The following ZBED4 variants were observed in gnomAD, a reference collection of about 807,000 sequenced individuals.
ZBED4 encodes the protein zinc finger BED-type containing 4.
Under a neutral mutation model 15.5 loss-of-function variants are expected in ZBED4, and 4 were observed. The observed-to-expected ratio is 0.26, with a 90% CI of 0.13 to 0.59. ZBED4 has a LOEUF of 0.59. ZBED4 is among the 20% of genes least tolerant of loss of function. ZBED4 has a pLI of 0.90. For synonymous variants in ZBED4, 692 were observed against 608.5 expected, an observed-to-expected ratio of 1.14 and a Z score of -2.02; for missense variants, 1,323 against 1,461.8, an observed-to-expected ratio of 0.91 and a Z score of 1.55.
At chr22:49,878,384 G>A (rs1284220840) in intron 1 of ZBED4, among the ~76,000 whole-genome samples, 2 of 151,924 alleles carry the variant, frequency 1.3e-5, no homozygotes, top group Non-Finnish European at 2.9e-5. Context: ...GAACAGCTGG[G>A]TTACGTGGTC....
chr22:49,872,632 C>T (rs370077119), intron 1 of ZBED4, among the ~76,000 whole-genome samples: 7 of 152,226 alleles, frequency 4.6e-5, no homozygotes, highest in East Asian at 1.9e-4. Context: ...TGGTCTCAAG[C>T]GAACCTCCCG....
intron 1 of ZBED4, among the ~76,000 whole-genome samples, chr22:49,872,630 A>G (rs1244403392): frequency 1.3e-5 from 2 of 152,246 alleles, no homozygotes; most frequent in African/African-American, 4.8e-5. Flanking sequence ...CTTGGTCTCA[A>G]GCGAACCTCC....
Position 49,870,753 on chromosome 22 carries a change from T to C in ZBED4, c.-329-12581T>C, listed in dbSNP as rs76550843. 4.9e-3 allele frequency among the ~76,000 whole-genome samples: 753 copies of C among 152,264 alleles called. 1 individual carries two copies. The highest frequency in any genetic ancestry group is 0.017 in the African/African-American group (725 of 41,558). On this transcript the variant is annotated intron_variant, in intron 1 of 1. Coordinates refer to ENST00000216268, the MANE Select transcript of ZBED4 (RefSeq NM_014838.3). Reference sequence around the variant, plus strand: ...CATAGTTTGCAGATATTTTCTCTTATTCAGTGGGTTTTCTGTTTATTCTGT... The same window carrying C: ...CATAGTTTGCAGATATTTTCTCTTACTCAGTGGGTTTTCTGTTTATTCTGT...
chr22:49,883,914 C>T lies in ZBED4; in HGVS notation c.252C>T (p.Gly84=), dbSNP rs771911643. The T allele has an allele frequency of 1.1e-5, 17 of 1,608,860 alleles. No homozygotes were observed. The highest frequency in any genetic ancestry group is 2.2e-5 in the East Asian group (1 of 44,776). Residue 84 remains glycine, a synonymous_variant, in exon 2 of 2, where the codon GGC becomes GGT. Coordinates refer to ENST00000216268, the MANE Select transcript of ZBED4 (RefSeq NM_014838.3). ...CTGCAGAGAGTGAGGATGACTATGG[C>T]GCGCTGTTCTCCCAGTACAGCAGCA... The part of the protein sequence containing the change: ...YLSAESEDDY[G]ALFSQYSSTL...
At chr22:49,865,411 G>A (rs1272688895) in intron 1 of ZBED4, among the ~76,000 whole-genome samples, 1 of 152,072 alleles carries the variant, frequency 6.6e-6, no homozygotes, top group Non-Finnish European at 1.5e-5. Flanking sequence ...GCACTTCGGG[G>A]GCTAAGGCGG....
Position 49,887,477 on chromosome 22 carries a change from T to G in ZBED4, c.*299T>G, listed in dbSNP as rs987555830. ...TTTTTAAAGTTTTGGGTTAGTAATT[T>G]GTTTTACTAGAATGACAAAGAAGAT... On this transcript the variant is annotated 3_prime_UTR_variant, in exon 2 of 2. Coordinates refer to ENST00000216268, the MANE Select transcript of ZBED4 (RefSeq NM_014838.3). The G allele has an allele frequency of 7.2e-6, 2 of 278,664 alleles. No individual in the cohort carries two copies. The highest frequency in any genetic ancestry group is 9.5e-5 in the Admixed American group (2 of 21,136). The allele number at this position is 278,664 out of a possible 1,614,324, so 17.3% of individuals were successfully genotyped here.
intron 1 of ZBED4, among the ~76,000 whole-genome samples, chr22:49,869,977 C>G (rs780552719): frequency 5.3e-5 from 8 of 152,122 alleles, no homozygotes; most frequent in Non-Finnish European, 8.8e-5. Flanking sequence ...TCCTCCCTCC[C>G]TCACTCCTCA....
chr22:49,863,019 C>T (rs2060304537), intron 1 of ZBED4, among the ~76,000 whole-genome samples: 1 of 151,986 alleles, frequency 6.6e-6, no homozygotes, highest in Non-Finnish European at 1.5e-5. Flanking sequence ...CAGTCTGAAT[C>T]TACAGGTTAC....
intron 1 of ZBED4, among the ~76,000 whole-genome samples, chr22:49,875,361 G>C (rs1601794808): frequency 1.3e-5 from 2 of 150,654 alleles, no homozygotes; most frequent in East Asian, 3.9e-4. Flanking sequence ...TTGAGTTTTT[G>C]TAGTTTCTGT....
intron 1 of ZBED4, among the ~76,000 whole-genome samples, chr22:49,856,582 G>T (rs913606677): frequency 6.6e-6 from 1 of 152,220 alleles, no homozygotes; most frequent in African/African-American, 2.4e-5. Flanking sequence ...AGCTCCCCCG[G>T]GTTGTTTCGG....
rs760544641 is a variant in ZBED4, at chr22:49,885,367, A to G, written c.1705A>G (p.Ile569Val). 25 of 1,586,894 alleles carry G rather than the reference A, an allele frequency of 1.6e-5. No individual in the cohort carries two copies. Among genetic ancestry groups the G allele is most frequent in the Admixed American group, 9.0e-5 (5 of 55,668 alleles). Residue 569 changes from isoleucine to valine, a missense_variant, in exon 2 of 2, where the codon ATT becomes GTT. Coordinates refer to ENST00000216268, the MANE Select transcript of ZBED4 (RefSeq NM_014838.3). ...CTCGAAGCTGTGGAATCATTTTTCTATTTGCTCCGCAGACTCCACAAAAGT... is the reference window on the plus strand; with the variant it reads ...CTCGAAGCTGTGGAATCATTTTTCTGTTTGCTCCGCAGACTCCACAAAAGT... ...KTSKLWNHFS[I>V]CSADSTKVVC...
intron 1 of ZBED4, among the ~76,000 whole-genome samples, chr22:49,880,154 G>A (rs2060401163): frequency 6.6e-6 from 1 of 152,052 alleles, no homozygotes; most frequent in South Asian, 2.1e-4. Flanking sequence ...TGTTCGGGTG[G>A]CTCCTAACAC....
chr22:49,887,325 C>T lies in ZBED4; in HGVS notation c.*147C>T. ...GCTCTCCAGCTCACCACAGTGTCTC[C>T]ACGTGCCTTACCCCTTCTCCTTCAG... On this transcript the variant is annotated 3_prime_UTR_variant, in exon 2 of 2. Transcript: ENST00000216268. 3 of 820,928 alleles carry T rather than the reference C, an allele frequency of 3.7e-6. No individual in the cohort carries two copies. Among genetic ancestry groups the T allele is most frequent in the Non-Finnish European group, 5.6e-6 (3 of 533,866 alleles). 50.9% of individuals were successfully genotyped at this position (820,928 alleles called of 1,614,324 possible).
intron 1 of ZBED4, among the ~76,000 whole-genome samples, chr22:49,877,627 C>A (rs1449769718): frequency 1.3e-5 from 2 of 152,064 alleles, no homozygotes; most frequent in African/African-American, 4.8e-5. Flanking sequence ...AATTGATATA[C>A]AATAAACACA....
chr22:49,865,939 C>T (rs1341030726), intron 1 of ZBED4, among the ~76,000 whole-genome samples: 1 of 151,668 alleles, frequency 6.6e-6, no homozygotes, highest in Admixed American at 6.6e-5. Flanking sequence ...CTCAAACTCC[C>T]AGCTTCAAGC....
chr22:49,862,726 A>G (rs2060303087), intron 1 of ZBED4, among the ~76,000 whole-genome samples: 1 of 112,124 alleles, frequency 8.9e-6, no homozygotes, highest in African/African-American at 4.6e-5. Context: ...TTTTAGACTT[A>G]AGTCTTGCTC....
At chr22:49,871,760 T>TA (rs1555923865) in intron 1 of ZBED4, among the ~76,000 whole-genome samples, 14,425 of 128,640 alleles carry the variant, frequency 0.11, 1,048 homozygotes, top group South Asian at 0.28. Context: ...TTTATTTATT[T>TA]TTTTTTTTTT....
At chr22:49,864,942 C>CGCCG (rs1569158185) in intron 1 of ZBED4, among the ~76,000 whole-genome samples, 1 of 9,548 alleles carries the variant, frequency 1.0e-4, no homozygotes, top group Non-Finnish European at 3.1e-4. Context: ...AGCAAGCCCC[C>CGCCG]CCCCCCCCCC....
intron 1 of ZBED4, among the ~76,000 whole-genome samples, chr22:49,881,615 T>C (rs534392930): frequency 1.3e-5 from 2 of 152,356 alleles, no homozygotes; most frequent in East Asian, 3.9e-4. Flanking sequence ...TGCCCTCAAG[T>C]GATCGTCCCA....
Sources: gnomAD v4.1 joint callset for allele counts (sites outside exome capture counted in the v4.1 genomes callset) on GRCh38, gnomAD v4.1.1 for gene constraint, MANE v1.5 for transcripts, NCBI Gene and HGNC (gene_info 2026-07-23, HGNC 2026-07-21) for gene names.